The following CCDC178 variants were observed in gnomAD, a reference collection of about 807,000 sequenced individuals.
CCDC178 encodes coiled-coil domain containing 178.
CCDC178 carries 126 observed loss-of-function variants against 117.4 expected under a neutral mutation model. The ratio of observed to expected loss-of-function variants is 1.07; its 90% CI spans 0.93 to 1.24. CCDC178 has a LOEUF of 1.24. Ranked by LOEUF, CCDC178 falls within the 50% of genes most tolerant of loss-of-function variation. The probability of loss-of-function intolerance (pLI) is 0.00; values close to 1 mark genes in which losing one functional copy is unlikely to be tolerated. For missense variants in CCDC178, 1,030 were observed against 986.9 expected, an observed-to-expected ratio of 1.04 and a Z score of -0.59; for synonymous variants, 283 against 313.4, an observed-to-expected ratio of 0.90 and a Z score of 1.02.
At chr18:33,385,781 A>T (rs2063485248) in intron 5 of CCDC178, among the ~76,000 whole-genome samples, 1 of 152,146 alleles carries the variant, frequency 6.6e-6, no homozygotes, top group African/African-American at 2.4e-5. Context: ...ACACCCTAAC[A>T]TCACAACTAA....
At chr18:33,302,939 T>C (rs1316264517) in intron 11 of CCDC178, among the ~76,000 whole-genome samples, 1 of 152,174 alleles carries the variant, frequency 6.6e-6, no homozygotes, top group Non-Finnish European at 1.5e-5. Context: ...TAAGTTCTAG[T>C]GTTCTGTACC....
chr18:33,147,085 A>C (rs1193415312), intron 20 of CCDC178, among the ~76,000 whole-genome samples: 2 of 152,038 alleles, frequency 1.3e-5, no homozygotes, highest in African/African-American at 4.8e-5. Context: ...CATAAAGAAC[A>C]ATGAACACAA....
At chr18:33,102,168 A>G (rs2057637890) in intron 20 of CCDC178, among the ~76,000 whole-genome samples, 1 of 151,840 alleles carries the variant, frequency 6.6e-6, no homozygotes, top group Admixed American at 6.6e-5. Flanking sequence ...ATTTTTCTAC[A>G]TCGATAATGA....
chr18:32,937,758 G>T lies in CCDC178; in HGVS notation c.*253C>A. ...GTGACATAGATTAATTATCAGATGA[G>T]GCAAAGCCAATTGCAATCAGTCACC... On this transcript the variant is annotated 3_prime_UTR_variant, in exon 23 of 23. Transcript: ENST00000383096. The T allele has an allele frequency of 2.3e-6, 1 of 439,560 alleles. No homozygotes were observed. The allele number at this position is 439,560 out of a possible 1,614,324, so 27.2% of individuals were successfully genotyped here. A position where few individuals can be genotyped will look rare whatever the true frequency, so the allele number is the denominator to read the frequency against.
chr18:33,292,556 G>A (rs539407592), intron 12 of CCDC178, among the ~76,000 whole-genome samples: 98 of 152,018 alleles, frequency 6.4e-4, no homozygotes, highest in Middle Eastern at 3.4e-3. Context: ...TATTTTCCAC[G>A]AGGATTTTCA....
chr18:33,207,921 T>C (rs928813952), intron 20 of CCDC178, among the ~76,000 whole-genome samples: 2 of 152,006 alleles, frequency 1.3e-5, no homozygotes, highest in Non-Finnish European at 2.9e-5. Flanking sequence ...CCACGCCCCA[T>C]CCTTCCTCTA....
intron 11 of CCDC178, among the ~76,000 whole-genome samples, chr18:33,304,649 C>G (rs1166162315): frequency 6.6e-6 from 1 of 152,170 alleles, no homozygotes; most frequent in East Asian, 1.9e-4. Flanking sequence ...CTTTAAGAAA[C>G]AGGATGCCTG....
At chr18:33,296,717 G>C (rs1007803261) in intron 11 of CCDC178, among the ~76,000 whole-genome samples, 6 of 152,092 alleles carry the variant, frequency 3.9e-5, no homozygotes, top group Non-Finnish European at 7.4e-5. Context: ...AACCTACAAG[G>C]TATCAGTCTA....
chr18:33,074,415 A>G (rs2057168171), intron 21 of CCDC178, among the ~76,000 whole-genome samples: 4 of 152,164 alleles, frequency 2.6e-5, no homozygotes, highest in Admixed American at 2.0e-4. Flanking sequence ...GTTTATATAG[A>G]CCAAAAATTG....
chr18:33,207,365 C>T (rs1404070616), intron 20 of CCDC178, among the ~76,000 whole-genome samples: 2 of 151,638 alleles, frequency 1.3e-5, no homozygotes, highest in African/African-American at 4.8e-5. Flanking sequence ...AAACCATAGC[C>T]AATTAACGTA....
At chr18:33,164,553 A>C (rs2058505487) in intron 20 of CCDC178, among the ~76,000 whole-genome samples, 1 of 152,140 alleles carries the variant, frequency 6.6e-6, no homozygotes, top group African/African-American at 2.4e-5. Flanking sequence ...TATAAATAGC[A>C]ATAATAAATA....
intron 17 of CCDC178, among the ~76,000 whole-genome samples, chr18:33,223,544 C>T (rs2059264857): frequency 6.6e-6 from 1 of 152,074 alleles, no homozygotes; most frequent in African/African-American, 2.4e-5. Context: ...TAAGCAATCA[C>T]TACCAAAAAG....
chr18:33,256,006 CTGAAAAATGGCCTCA>C (rs1337834177), intron 14 of CCDC178, among the ~76,000 whole-genome samples: 3 of 147,486 alleles, frequency 2.0e-5, no homozygotes, highest in Non-Finnish European at 4.5e-5. Context: ...TACCACAGGA[CTGAAAAATGGCCTCA>C]TGTATTCAGG....
At chr18:33,433,790 T>TTGTGTG (rs5823897) in intron 2 of CCDC178, among the ~76,000 whole-genome samples, 4,451 of 149,362 alleles carry the variant, frequency 0.03, 77 homozygotes, top group Non-Finnish European at 0.042. Flanking sequence ...ATAGCAGAAT[T>TTGTGTG]TGTGTGTGTG....
chr18:33,349,659 T>C (rs2062944725), intron 7 of CCDC178, among the ~76,000 whole-genome samples: 1 of 151,936 alleles, frequency 6.6e-6, no homozygotes, highest in South Asian at 2.1e-4. Flanking sequence ...GTTTTTTCTC[T>C]GATCAAAGTT....
At chr18:33,142,234 T>C (rs2058215518) in intron 20 of CCDC178, among the ~76,000 whole-genome samples, 1 of 152,198 alleles carries the variant, frequency 6.6e-6, no homozygotes, top group Non-Finnish European at 1.5e-5. Context: ...GTGTCTAACA[T>C]GTCTTGCCTG....
At chr18:33,363,345 A>C (rs1476333963) in intron 6 of CCDC178, among the ~76,000 whole-genome samples, 2 of 152,008 alleles carry the variant, frequency 1.3e-5, no homozygotes, top group African/African-American at 4.8e-5. Flanking sequence ...CTGAGCTCTC[A>C]ACTTATAAGA....
chr18:32,972,500 G>A (rs184352116), intron 22 of CCDC178, among the ~76,000 whole-genome samples: 107 of 152,082 alleles, frequency 7.0e-4, no homozygotes, highest in Non-Finnish European at 1.3e-3. Flanking sequence ...TTGTCTCTAC[G>A]GGCTATTTTT....
At chr18:33,412,397 A>G (rs1362815395) in intron 2 of CCDC178, among the ~76,000 whole-genome samples, 4 of 152,078 alleles carry the variant, frequency 2.6e-5, no homozygotes, top group African/African-American at 9.7e-5. Flanking sequence ...AATTGTAGCT[A>G]TGGGTTCACA....
Sources: allele counts gnomAD v4.1 joint callset (sites outside exome capture counted in the v4.1 genomes callset), GRCh38; gene constraint gnomAD v4.1.1; transcripts MANE v1.5; gene names NCBI Gene and HGNC (gene_info 2026-07-23, HGNC 2026-07-21).